The following PLEKHG1 variants were observed in gnomAD, a reference collection of about 807,000 sequenced individuals.
PLEKHG1 encodes pleckstrin homology domain-containing family G member 1.
In PLEKHG1, 44 loss-of-function variants were observed where a neutral mutation model predicts 100.8. The ratio of observed to expected loss-of-function variants is 0.44; its 90% CI spans 0.34 to 0.56. PLEKHG1 has a LOEUF of 0.56. Among genes scored for constraint, PLEKHG1 ranks in the 20% least tolerant of loss-of-function variants. The pLI is 0.01. For missense variants in PLEKHG1, 1,545 were observed against 1,720.9 expected (o/e 0.90, Z 1.81); for synonymous variants, 640 against 662.5 (o/e 0.97, Z 0.52).
At chr6:150,830,757 C>G (rs768747492) in exon 15 of PLEKHG1, 1 of 1,614,134 alleles carries the variant, frequency 6.2e-7, no homozygotes, top group Non-Finnish European at 8.5e-7. Flanking sequence ...CGACGGTCCC[C>G]GCAGGAGAAT....
Position 150,733,833 on chromosome 6 carries a change from C to T in PLEKHG1, c.152C>T (p.Ala51Val). Residue 51 changes from alanine to valine, a missense_variant, in exon 2 of 16, where the codon GCC (alanine) becomes GTC (valine). Transcript: ENST00000358517. Reference sequence around the variant, plus strand: ...TTTAACCAGGATAAGGAGGTAGGGGCCATAAAACTGGAGCTGATTCCTGCC... The same window carrying T: ...TTTAACCAGGATAAGGAGGTAGGGGTCATAAAACTGGAGCTGATTCCTGCC... The T allele has an allele frequency of 2.5e-6, 4 of 1,614,166 alleles. No homozygotes were observed. The South Asian group carries it at 3.3e-5, about 13-fold the overall frequency.
intron 3 of PLEKHG1, among the ~76,000 whole-genome samples, chr6:150,671,333 G>C (rs1779573990): frequency 6.6e-6 from 1 of 152,162 alleles, no homozygotes; most frequent in Admixed American, 6.5e-5. Flanking sequence ...AATAGTGGCT[G>C]TACTAGTTTA....
At chr6:150,797,439 G>A (rs1786411051) in intron 5 of PLEKHG1, among the ~76,000 whole-genome samples, 1 of 152,178 alleles carries the variant, frequency 6.6e-6, no homozygotes, top group Admixed American at 6.5e-5. Flanking sequence ...AAGAGGCTGA[G>A]GCAGGAGGAT....
At chr6:150,617,628 A>T (rs1484603480) in intron 1 of PLEKHG1, among the ~76,000 whole-genome samples, 1 of 152,166 alleles carries the variant, frequency 6.6e-6, no homozygotes, top group Non-Finnish European at 1.5e-5. Context: ...GAAGGTGTTT[A>T]TCTCTTTCCG....
At chr6:150,631,829 G>A (rs1434390441) in intron 1 of PLEKHG1, among the ~76,000 whole-genome samples, 4 of 152,184 alleles carry the variant, frequency 2.6e-5, no homozygotes, top group African/African-American at 9.7e-5. Context: ...CTAGTGGAGG[G>A]CTGCGAGCAA....
intron 3 of PLEKHG1, among the ~76,000 whole-genome samples, chr6:150,678,418 C>T (rs897584022): frequency 5.3e-5 from 8 of 152,006 alleles, no homozygotes; most frequent in African/African-American, 1.9e-4. Flanking sequence ...CTCTTTATGC[C>T]ATTAATATAT....
intron 1 of PLEKHG1, among the ~76,000 whole-genome samples, chr6:150,602,170 G>A (rs1189999098): frequency 6.6e-6 from 1 of 152,146 alleles, no homozygotes; most frequent in African/African-American, 2.4e-5. Context: ...TGAGCCCTTC[G>A]TCAACCAAAA....
At chr6:150,725,604 C>T (rs1445272914) in intron 1 of PLEKHG1, among the ~76,000 whole-genome samples, 1 of 152,112 alleles carries the variant, frequency 6.6e-6, no homozygotes, top group African/African-American at 2.4e-5. Flanking sequence ...TCTCCTTGCT[C>T]AGTTGATGAT....
chr6:150,806,672 A>T (rs1201787337), intron 7 of PLEKHG1, among the ~76,000 whole-genome samples: 1 of 150,826 alleles, frequency 6.6e-6, no homozygotes, highest in Non-Finnish European at 1.5e-5. Flanking sequence ...CAAAAAAAAA[A>T]AAAAAATTAG....
At chr6:150,763,416 T>A (rs2064356) in intron 2 of PLEKHG1, among the ~76,000 whole-genome samples, 55,441 of 152,084 alleles carry the variant, frequency 0.36, 12,409 homozygotes, top group African/African-American at 0.61. Flanking sequence ...ACCCATGTTT[T>A]TTCTTAGAGC....
chr6:150,822,032 GGTTTCTCCAT>G (rs143925271), intron 13 of PLEKHG1, among the ~76,000 whole-genome samples: 6,177 of 150,632 alleles, frequency 0.041, 430 homozygotes, highest in African/African-American at 0.14. Flanking sequence ...GTAGAGATGG[GGTTTCTCCAT>G]GTTGGTCAGG....
chr6:150,803,724 A>G (rs1485122995), intron 6 of PLEKHG1, among the ~76,000 whole-genome samples: 1 of 152,214 alleles, frequency 6.6e-6, no homozygotes, highest in East Asian at 1.9e-4. Flanking sequence ...CTACAGGAAA[A>G]TGTGCTAAAA....
chr6:150,769,558 C>A, intron 3 of PLEKHG1, among the ~76,000 whole-genome samples: 1 of 118,652 alleles, frequency 8.4e-6, no homozygotes. Context: ...TCTGTCCAGC[C>A]AGGGTGACAG....
chr6:150,759,273 G>T (rs1249675444), intron 2 of PLEKHG1, among the ~76,000 whole-genome samples: 1 of 152,180 alleles, frequency 6.6e-6, no homozygotes, highest in East Asian at 1.9e-4. Flanking sequence ...CATGAAGGCA[G>T]TGGGTACCGC....
rs79234762 is a variant in PLEKHG1, at chr6:150,675,924, A to G, written c.-99+25138A>G. On this transcript the variant is annotated intron_variant, in intron 3 of 3. Transcript: ENST00000367326. ...TAAATACCTACAAAACATAGATGAA[A>G]CGAGTAAAAAGTGAGTAAAAATAGT... Among the ~76,000 whole-genome samples, 1,133 of 152,336 alleles carry G rather than the reference A, an allele frequency of 7.4e-3. 19 individuals carry two copies. The highest frequency in any genetic ancestry group is 0.042 in the East Asian group (217 of 5,190).
At chr6:150,705,654 C>T (rs562438121) in intron 3 of PLEKHG1, among the ~76,000 whole-genome samples, 5 of 152,310 alleles carry the variant, frequency 3.3e-5, no homozygotes, top group African/African-American at 1.2e-4. Flanking sequence ...TTAGCTTCTG[C>T]TTTTTCTTCC....
intron 11 of PLEKHG1, among the ~76,000 whole-genome samples, chr6:150,818,742 C>T (rs182368255): frequency 6.6e-6 from 1 of 152,322 alleles, no homozygotes; most frequent in Admixed American, 6.5e-5. Context: ...CCTTATTCAA[C>T]AGCAGTTATC....
At chr6:150,818,014 C>T (rs1440700148) in intron 10 of PLEKHG1, among the ~76,000 whole-genome samples, 169 bp from the exon 12 acceptor site, 1 of 152,134 alleles carries the variant, frequency 6.6e-6, no homozygotes, top group African/African-American at 2.4e-5. Flanking sequence ...CTTGAGGGCG[C>T]TCATCTGCTT....
At chr6:150,818,765 T>C (rs958967826) in intron 11 of PLEKHG1, among the ~76,000 whole-genome samples, 1 of 152,202 alleles carries the variant, frequency 6.6e-6, no homozygotes, top group Admixed American at 6.5e-5. Context: ...ATCTTTGTTA[T>C]TTTTCAGATT....
Sources: gnomAD v4.1 joint callset for allele counts (sites outside exome capture counted in the v4.1 genomes callset) on GRCh38, gnomAD v4.1.1 for gene constraint, MANE v1.5 for transcripts, NCBI Gene and HGNC (gene_info 2026-07-23, HGNC 2026-07-21) for gene names.